Variants in MAN2A1 observed in about 807,000 individuals in gnomAD.
The protein encoded by MAN2A1 is alpha-mannosidase 2.
Under a neutral mutation model 142.6 loss-of-function variants are expected in MAN2A1, and 76 were observed. The observed-to-expected ratio is 0.53, with a 90% CI of 0.44 to 0.65. The LOEUF (loss-of-function observed/expected upper bound fraction) is 0.65. Ranked by LOEUF, MAN2A1 falls within the 30% of genes least tolerant of loss-of-function variation. The pLI is 0.00. For missense variants in MAN2A1, 1,311 were observed against 1,365.1 expected (o/e 0.96, Z 0.62); for synonymous variants, 559 against 473.2 (o/e 1.18, Z -2.35).
chr5:109,733,852 G>T (rs1157380788), intron 4 of MAN2A1, among the ~76,000 whole-genome samples: 1 of 152,132 alleles, frequency 6.6e-6, no homozygotes, highest in African/African-American at 2.4e-5. Flanking sequence ...GTCAGGCTTT[G>T]GTATCAGGAT....
chr5:109,772,879 T>G (rs1196364208), intron 7 of MAN2A1, among the ~76,000 whole-genome samples: 1 of 152,182 alleles, frequency 6.6e-6, no homozygotes, highest in African/African-American at 2.4e-5. Flanking sequence ...TCTTTTGATA[T>G]GTCCAGCTCA....
Position 109,774,775 on chromosome 5 carries a change from G to GTTTT in MAN2A1, c.1197-8_1197-5dup. The GTTTT allele has an allele frequency of 6.3e-7, 1 of 1,576,148 alleles. No homozygotes were observed. The highest frequency in any genetic ancestry group is 2.3e-5 in the East Asian group (1 of 43,492). ...TCATATTTGCTGTTTTTTTGTGTTT[G>GTTTT]TTTTTTTTGTAGGGCTCGGATGCTA... On this transcript the variant is annotated splice_polypyrimidine_tract_variant and intron_variant, in intron 7 of 21. Coordinates refer to ENST00000261483, the MANE Select transcript of MAN2A1 (RefSeq NM_002372.4).
At chr5:109,772,829 C>A (rs905806218) in intron 7 of MAN2A1, among the ~76,000 whole-genome samples, 5 of 152,000 alleles carry the variant, frequency 3.3e-5, no homozygotes, top group African/African-American at 1.2e-4. Flanking sequence ...TTGTTAACGT[C>A]CCAAAGAAAA....
chr5:109,800,584 G>A (rs1397138474), intron 12 of MAN2A1, among the ~76,000 whole-genome samples: 1 of 152,154 alleles, frequency 6.6e-6, no homozygotes, highest in Non-Finnish European at 1.5e-5. Flanking sequence ...ATGTTTATCA[G>A]TAATGAATTG....
intron 16 of MAN2A1, among the ~76,000 whole-genome samples, chr5:109,833,497 G>A (rs187036788): frequency 1.9e-4 from 29 of 152,210 alleles, no homozygotes; most frequent in African/African-American, 5.8e-4. Flanking sequence ...GCAAAACCCC[G>A]TCTCCACCAA....
At chr5:109,800,577 T>C (rs1753997500) in intron 12 of MAN2A1, among the ~76,000 whole-genome samples, 1 of 152,178 alleles carries the variant, frequency 6.6e-6, no homozygotes, top group South Asian at 2.1e-4. Context: ...GACTTAAATG[T>C]TTATCAGTAA....
At chr5:109,759,721 C>T (rs1752786568) in intron 5 of MAN2A1, among the ~76,000 whole-genome samples, 2 of 152,050 alleles carry the variant, frequency 1.3e-5, no homozygotes, top group Non-Finnish European at 2.9e-5. Flanking sequence ...CCACCAACAA[C>T]GAATTAGAGT....
chr5:109,803,457 G>T (rs1041376069), intron 12 of MAN2A1, among the ~76,000 whole-genome samples: 13 of 151,986 alleles, frequency 8.6e-5, no homozygotes, highest in African/African-American at 3.1e-4. Flanking sequence ...TGTGTTTTGT[G>T]TGGTGAGATT....
intron 4 of MAN2A1, among the ~76,000 whole-genome samples, chr5:109,740,280 G>A (rs1213929868): frequency 6.6e-6 from 1 of 152,228 alleles, no homozygotes; most frequent in African/African-American, 2.4e-5. Context: ...GACAGAGTGA[G>A]AGAAGAGAGG....
At chr5:109,772,667 C>T (rs1043613132) in intron 7 of MAN2A1, among the ~76,000 whole-genome samples, 4 of 152,048 alleles carry the variant, frequency 2.6e-5, no homozygotes, top group Admixed American at 2.0e-4. Context: ...CCACAATGCT[C>T]GACTAATTGT....
At chr5:109,798,311 A>G (rs1055038356) in intron 12 of MAN2A1, among the ~76,000 whole-genome samples, 1 of 152,182 alleles carries the variant, frequency 6.6e-6, no homozygotes, top group African/African-American at 2.4e-5. Flanking sequence ...TTCGTATTCC[A>G]TTGCCTTCAC....
chr5:109,707,073 C>T (rs547396787), intron 1 of MAN2A1, among the ~76,000 whole-genome samples: 5 of 152,148 alleles, frequency 3.3e-5, no homozygotes, highest in Non-Finnish European at 7.3e-5. Context: ...TTGGACTGTA[C>T]AGAATCCATA....
At chr5:109,863,842 A>T (rs1277284619) in intron 20 of MAN2A1, 1 of 152,188 alleles carries the variant, frequency 6.6e-6, no homozygotes, top group South Asian at 2.1e-4. Flanking sequence ...TGTGTGTATC[A>T]TGTGGTCTTG....
At chr5:109,690,590 C>A in intron 1 of MAN2A1, 38 bp downstream of exon 1, 1 of 1,554,210 alleles carries the variant, frequency 6.4e-7, no homozygotes, top group Non-Finnish European at 8.7e-7. Context: ...CTCCGAGGGG[C>A]CAGGCGTGCG....
chr5:109,704,296 G>A (rs936862438), intron 1 of MAN2A1, among the ~76,000 whole-genome samples: 8 of 152,204 alleles, frequency 5.3e-5, no homozygotes. Flanking sequence ...ATTTGCCTGG[G>A]CAAAGAGTAT....
At position 109,770,337 on chromosome 5, in the gene MAN2A1, G is replaced by T. The variant is rs1163982631; in HGVS notation, c.1010-18G>T. 6.2e-7 allele frequency: 1 copy of T among 1,605,888 alleles called. No individual in the cohort carries two copies. The highest frequency in any genetic ancestry group is 2.2e-5 in the East Asian group (1 of 44,766). ...AGATTTTATAAATGCAGGTTTGTGT[G>T]TTGGCTCTTTATTTTAGATCTGGGA... On this transcript the variant is annotated intron_variant, in intron 6 of 21. Coordinates refer to ENST00000261483, the MANE Select transcript of MAN2A1 (RefSeq NM_002372.4).
intron 1 of MAN2A1, among the ~76,000 whole-genome samples, chr5:109,713,055 A>G (rs1561473488): frequency 6.6e-6 from 1 of 152,136 alleles, no homozygotes; most frequent in Non-Finnish European, 1.5e-5. Flanking sequence ...GATATTTCTT[A>G]TTTAGGATTA....
At chr5:109,809,464 TG>T (rs1229908475) in intron 12 of MAN2A1, among the ~76,000 whole-genome samples, 1 of 152,178 alleles carries the variant, frequency 6.6e-6, no homozygotes, top group East Asian at 1.9e-4. Flanking sequence ...ACTCAGTTTT[TG>T]TTTCTCTGAA....
intron 16 of MAN2A1, among the ~76,000 whole-genome samples, chr5:109,827,724 TC>T (rs1176763639): frequency 2.0e-5 from 3 of 152,194 alleles, no homozygotes; most frequent in Non-Finnish European, 4.4e-5. Flanking sequence ...GACATCGCAT[TC>T]AAAAGGTTTC....
Sources: gnomAD v4.1 joint callset for allele counts (sites outside exome capture counted in the v4.1 genomes callset) on GRCh38, gnomAD v4.1.1 for gene constraint, MANE v1.5 for transcripts, NCBI Gene and HGNC (gene_info 2026-07-23, HGNC 2026-07-21) for gene names.